The following ANK1 variants were observed in gnomAD, a reference collection of about 807,000 sequenced individuals.
The protein encoded by ANK1 is ankyrin 1.
In ANK1, 51 loss-of-function variants were observed where a neutral mutation model predicts 210.4. That is an observed-to-expected ratio of 0.24 (90% confidence interval 0.19 to 0.31). The LOEUF is 0.31. ANK1 is among the 10% of genes least tolerant of loss of function. ANK1 has a pLI of 1.00. For synonymous variants in ANK1, 967 were observed against 1,025.9 expected (o/e 0.94, Z 1.10); for missense variants, 2,051 against 2,504.4 (o/e 0.82, Z 3.86).
chr8:41,708,994 C>T lies in ANK1; in HGVS notation c.1801-19G>A, dbSNP rs1189099220. ...AGCCATTCTGAAACAGAAGAAGCCG[C>T]CCAGAGCCTGGTTACAGGAATGCTG... On this transcript the variant is annotated intron_variant, in intron 16 of 42. Coordinates refer to ENST00000289734, the MANE Select transcript of ANK1 (RefSeq NM_000037.4). 6 of 1,613,140 alleles carry T rather than the reference C, an allele frequency of 3.7e-6. No individual in the cohort carries two copies. The highest frequency in any genetic ancestry group is 2.7e-5 in the African/African-American group (2 of 74,880).
At chr8:41,827,847 GCATA>G (rs746684253) in intron 1 of ANK1, among the ~76,000 whole-genome samples, 19 of 112,820 alleles carry the variant, frequency 1.7e-4, no homozygotes, top group South Asian at 9.0e-4. Context: ...ATGCACACAC[GCATA>G]CATACACCCA....
At chr8:41,689,406 G>A (rs1296945270) in intron 33 of ANK1, among the ~76,000 whole-genome samples, 2 of 152,086 alleles carry the variant, frequency 1.3e-5, no homozygotes, top group Non-Finnish European at 1.5e-5. Flanking sequence ...GGGGTTACAG[G>A]CATGAGCCTC....
chr8:41,661,809 G>A, intron 41 of ANK1, 67 bp downstream of exon 41: 1 of 1,613,922 alleles, frequency 6.2e-7, no homozygotes, highest in Non-Finnish European at 8.5e-7. Context: ...ACCTTGGAGT[G>A]TTTCATAAAG....
chr8:41,811,480 C>T (rs1802475893), intron 1 of ANK1, among the ~76,000 whole-genome samples: 1 of 152,212 alleles, frequency 6.6e-6, no homozygotes. Context: ...CATTGCCCCG[C>T]GACTCCCACC....
rs1818512529 is a variant in ANK1, at chr8:41,689,120, C to T, written c.4105-531G>A. Among the ~76,000 whole-genome samples the T allele has an allele frequency of 1.3e-5, 2 of 152,162 alleles. 1 individual carries two copies. The highest frequency in any genetic ancestry group is 4.1e-4 in the South Asian group (2 of 4,834). On this transcript the variant is annotated intron_variant, in intron 33 of 42. Coordinates refer to ENST00000289734, the MANE Select transcript of ANK1 (RefSeq NM_000037.4). ...CCAAGGCTGCAGAAAAATATTCTCT[C>T]TCTCTTTTTTTTTAAGAGCCAGGGT...
chr8:41,867,918 G>A (rs10092716), intron 1 of ANK1, among the ~76,000 whole-genome samples: 1,822 of 152,310 alleles, frequency 0.012, 34 homozygotes, highest in African/African-American at 0.041. Flanking sequence ...GGAGTACAGC[G>A]GTGCAATCTC....
intron 1 of ANK1, among the ~76,000 whole-genome samples, chr8:41,848,616 G>A (rs1810550669): frequency 1.3e-5 from 2 of 152,184 alleles, no homozygotes; most frequent in Admixed American, 1.3e-4. Flanking sequence ...CTGGGAGTTG[G>A]GGGATAAATG....
intron 16 of ANK1, among the ~76,000 whole-genome samples, chr8:41,713,502 C>T (rs983072696): frequency 5.3e-5 from 8 of 152,228 alleles, no homozygotes; most frequent in Admixed American, 1.3e-4. Context: ...CTGAGCAGCT[C>T]GCCTCCGAAG....
chr8:41,808,500 A>G (rs1851296678), intron 1 of ANK1, among the ~76,000 whole-genome samples: 1 of 152,012 alleles, frequency 6.6e-6, no homozygotes, highest in South Asian at 2.1e-4. Flanking sequence ...CTCCATCTCT[A>G]TTAAAAATAT....
chr8:41,768,854 CT>C (rs557015885), intron 1 of ANK1, among the ~76,000 whole-genome samples: 2 of 152,024 alleles, frequency 1.3e-5, no homozygotes, highest in Non-Finnish European at 2.9e-5. Flanking sequence ...GCCTGTAGTC[CT>C]GGCTACTCAG....
intron 1 of ANK1, among the ~76,000 whole-genome samples, chr8:41,842,401 G>A (rs183489763): frequency 3.3e-5 from 5 of 152,108 alleles, no homozygotes; most frequent in Admixed American, 1.3e-4. Flanking sequence ...GCTGAGGCAG[G>A]AGAATCACTT....
At chr8:41,719,451 C>T (rs963240279) in intron 10 of ANK1, among the ~76,000 whole-genome samples, 7 of 152,150 alleles carry the variant, frequency 4.6e-5, no homozygotes, top group South Asian at 2.1e-4. Flanking sequence ...GGGCAGGGGT[C>T]GATACCCAGG....
intron 37 of ANK1, among the ~76,000 whole-genome samples, chr8:41,678,694 A>G (rs961035896): frequency 6.6e-5 from 10 of 152,366 alleles, no homozygotes; most frequent in African/African-American, 2.4e-4. Context: ...GGGCCTTTAA[A>G]AAATATCTTC....
rs923005475 is a variant in ANK1, at chr8:41,757,942, A to G, written c.129+94T>C. On this transcript the variant is annotated intron_variant, in intron 2 of 42. Transcript: ENST00000289734. Reference sequence around the variant, plus strand: ...TGGGGGAGTTTTGAGGCCACTGAGAAAAGGTTAATAGAGGCAGTTTCAAAG... The same window carrying G: ...TGGGGGAGTTTTGAGGCCACTGAGAGAAGGTTAATAGAGGCAGTTTCAAAG... The G allele has an allele frequency of 2.6e-5, 30 of 1,174,570 alleles. 1 individual carries two copies. In the African/African-American group the frequency reaches 4.2e-4, roughly 17 times the overall value. The allele number at this position is 1,174,570 out of a possible 1,614,324, so 72.8% of individuals were successfully genotyped here. A position where few individuals can be genotyped will look rare whatever the true frequency, so the allele number is the denominator to read the frequency against.
chr8:41,722,558 C>T (rs1283989804), intron 9 of ANK1, among the ~76,000 whole-genome samples: 3 of 152,160 alleles, frequency 2.0e-5, no homozygotes, highest in African/African-American at 7.2e-5. Context: ...ATGTCAGAGC[C>T]ACGTAACGGG....
At chr8:41,811,007 C>A (rs780416250) in intron 1 of ANK1, among the ~76,000 whole-genome samples, 9 of 152,370 alleles carry the variant, frequency 5.9e-5, no homozygotes, top group Non-Finnish European at 8.8e-5. Flanking sequence ...GAAAAAATAT[C>A]TCAAAGGCCC....
chr8:41,718,942 G>A (rs116138907), intron 10 of ANK1, among the ~76,000 whole-genome samples: 2,475 of 152,302 alleles, frequency 0.016, 70 homozygotes, highest in African/African-American at 0.056. Flanking sequence ...ATAACAGTAC[G>A]TGGCCTGTGG....
chr8:41,668,155 G>C (rs1012912929), intron 39 of ANK1, 112 bp downstream of exon 39: 4 of 1,448,950 alleles, frequency 2.8e-6, no homozygotes, highest in Non-Finnish European at 3.9e-6. Context: ...AGTGTTAAAG[G>C]AAGGGGATAT....
chr8:41,833,336 G>A (rs1032169223), intron 1 of ANK1, among the ~76,000 whole-genome samples: 1 of 152,346 alleles, frequency 6.6e-6, no homozygotes, highest in African/African-American at 2.4e-5. Flanking sequence ...GGTGATAGCA[G>A]GTGTCTGGGG....
Sources: gnomAD v4.1 joint callset for allele counts (sites outside exome capture counted in the v4.1 genomes callset) on GRCh38, gnomAD v4.1.1 for gene constraint, MANE v1.5 for transcripts, NCBI Gene and HGNC (gene_info 2026-07-23, HGNC 2026-07-21) for gene names.